Variants in DNAH7 observed in about 807,000 individuals in gnomAD.
DNAH7 encodes dynein axonemal heavy chain 7.
DNAH7 carries 397 observed loss-of-function variants against 444.6 expected under a neutral mutation model. That is an observed-to-expected ratio of 0.89 (90% CI 0.82 to 0.97). DNAH7 has a LOEUF of 0.97. Among genes scored for constraint, DNAH7 ranks in the 50% least tolerant of loss-of-function variants. The pLI, the probability that DNAH7 is intolerant of heterozygous loss-of-function variation, is 0.00. For synonymous variants in DNAH7, 1,636 were observed against 1,624.4 expected (o/e 1.01, Z -0.17); for missense variants, 4,902 against 4,800.8 (o/e 1.02, Z -0.62).
intron 15 of DNAH7, among the ~76,000 whole-genome samples, chr2:195,983,365 G>A (rs544377234): frequency 6.6e-6 from 1 of 152,216 alleles, no homozygotes; most frequent in South Asian, 2.1e-4. Flanking sequence ...TCTGCTAGCT[G>A]TACAAGAAGC....
rs181561310 is a variant in DNAH7 at position 195,824,412 on chromosome 2, G to T, written c.9134C>A (p.Pro3045His). The change falls in exon 49 of 65, where the codon CCT (proline) becomes CAT (histidine). Residue 3045 changes from proline (P) to histidine (H), a missense_variant. Physicochemically the swap from Pro to His is moderately conservative, Grantham distance 77. Transcript: ENST00000312428. ...LLENVGEELD[P>H]ILEPLLLKQT... ...TTTTAGTAGAAGAGGTTCCAAAATA[G>T]GATCTAGTTCTTCGCCAACATTTTC... 1.2e-6 allele frequency: 2 copies of T among 1,610,184 alleles called. No individual in the cohort carries two copies. The highest frequency in any genetic ancestry group is 1.3e-5 in the African/African-American group (1 of 74,800).
chr2:195,738,569 A>G (rs753680995), intron 64 of DNAH7, among the ~76,000 whole-genome samples: 1 of 152,208 alleles, frequency 6.6e-6, no homozygotes, highest in Non-Finnish European at 1.5e-5. Flanking sequence ...TTAGGAGACT[A>G]TTATAAAGGA....
intron 54 of DNAH7, among the ~76,000 whole-genome samples, chr2:195,800,992 G>T (rs1696421774): frequency 6.6e-6 from 1 of 152,086 alleles, no homozygotes; most frequent in African/African-American, 2.4e-5. Context: ...CAAAACAAAT[G>T]GAATGAATTG....
At chr2:195,865,516 G>C (rs1014414522) in intron 40 of DNAH7, among the ~76,000 whole-genome samples, 2 of 152,212 alleles carry the variant, frequency 1.3e-5, no homozygotes, top group African/African-American at 4.8e-5. Flanking sequence ...GTCTTGGGTA[G>C]AGGGAGAGTT....
At chr2:195,865,372 C>G (rs985366876) in intron 40 of DNAH7, among the ~76,000 whole-genome samples, 1 of 152,140 alleles carries the variant, frequency 6.6e-6, no homozygotes, top group African/African-American at 2.4e-5. Flanking sequence ...CACCAGTACC[C>G]AGGGGGTACC....
intron 5 of DNAH7, among the ~76,000 whole-genome samples, chr2:196,046,747 T>C (rs1196774135): frequency 6.6e-6 from 1 of 151,030 alleles, no homozygotes; most frequent in Non-Finnish European, 1.5e-5. Flanking sequence ...AACAGGGTCC[T>C]GTGAGTGAGT....
chr2:196,012,717 G>C (rs932438943), intron 10 of DNAH7, 70 bp downstream of exon 10: 1 of 1,513,990 alleles, frequency 6.6e-7, no homozygotes, highest in Non-Finnish European at 9.0e-7. Context: ...TCTAAAAGCA[G>C]TTAAAATGCA....
intron 47 of DNAH7, among the ~76,000 whole-genome samples, chr2:195,836,186 C>G (rs1402801255): frequency 6.6e-6 from 1 of 152,098 alleles, no homozygotes; most frequent in African/African-American, 2.4e-5. Context: ...AGGGCTCCCC[C>G]TTAAGACCTC....
intron 58 of DNAH7, among the ~76,000 whole-genome samples, chr2:195,781,054 C>T (rs1257944236): frequency 2.0e-5 from 3 of 147,286 alleles, no homozygotes; most frequent in Non-Finnish European, 4.5e-5. Context: ...TAGGAGAACA[C>T]GTGTCAGTGA....
rs748728395 is a variant in DNAH7, at chr2:195,900,352, G to T, written c.4478C>A (p.Ser1493Ter). 1 of 1,614,022 alleles carries T rather than the reference G, an allele frequency of 6.2e-7. No homozygotes were observed. The highest frequency in any genetic ancestry group is 2.2e-5 in the East Asian group (1 of 44,864). ...ATYRLCSEQL[S>*]SQHHYDYGMR... ...TCCATAGTCGTAGTGATGTTGAGAT[G>T]ACAGCTGCTCTGAACACAAGCGATA... The change falls in exon 28 of 65, where the codon TCA becomes TAA. Residue 1493 changes from serine to a stop codon, truncating the protein, a stop_gained. Transcript: ENST00000312428. LOFTEE classifies it high-confidence loss of function.
chr2:195,987,192 G>T lies in DNAH7; in HGVS notation c.1628C>A (p.Thr543Asn), dbSNP rs756299942. 1.1e-5 allele frequency: 17 copies of T among 1,563,322 alleles called. No individual in the cohort carries two copies. Among genetic ancestry groups the T allele is most frequent in the African/African-American group, 2.7e-5 (2 of 72,788 alleles). ...CATTTCAAACATTCCTAAACGAATA[G>T]TCTGCAAAAGATTAAAAGTTTAATC... ...IEEIQYTSIK[T>N]IRLGMFEMHC... is the part of the protein sequence containing the mutation. The change falls in exon 14 of 65, where the codon ACT (threonine) becomes AAT (asparagine). Residue 543 changes from threonine to asparagine, a missense_variant and splice_region_variant. Transcript: ENST00000312428.
intron 23 of DNAH7, 78 bp from the exon 24 acceptor site, chr2:195,922,275 T>A (rs894291478): frequency 3.6e-6 from 3 of 833,248 alleles, no homozygotes; most frequent in Non-Finnish European, 6.0e-6. Context: ...TAATAAGTAA[T>A]AACCATAATA....
intron 40 of DNAH7, among the ~76,000 whole-genome samples, chr2:195,869,513 A>C (rs951828235): frequency 2.0e-5 from 3 of 152,174 alleles, no homozygotes; most frequent in African/African-American, 7.2e-5. Context: ...AAATATTATG[A>C]AAAGAAGTAA....
chr2:195,757,406 C>T (rs937328098), intron 61 of DNAH7, among the ~76,000 whole-genome samples: 8 of 152,048 alleles, frequency 5.3e-5, no homozygotes, highest in African/African-American at 1.7e-4. Context: ...CTTTGAAGGC[C>T]CTGATAATTC....
chr2:195,790,122 G>T (rs541887916), intron 57 of DNAH7, among the ~76,000 whole-genome samples: 30 of 151,986 alleles, frequency 2.0e-4, no homozygotes, highest in African/African-American at 7.0e-4. Flanking sequence ...TTTAACTAAG[G>T]GCTGAAAAAT....
At chr2:196,066,403 T>A (rs139950862) in intron 1 of DNAH7, among the ~76,000 whole-genome samples, 1 of 152,334 alleles carries the variant, frequency 6.6e-6, no homozygotes, top group East Asian at 1.9e-4. Context: ...GAAAATGGAA[T>A]GAGCATCACA....
intron 46 of DNAH7, among the ~76,000 whole-genome samples, chr2:195,847,482 GGCCT>G (rs1178208125): frequency 6.6e-6 from 1 of 151,512 alleles, no homozygotes; most frequent in Non-Finnish European, 1.5e-5. Context: ...TAGACACTGG[GGCCT>G]ACTTGAGGGT....
At chr2:195,976,249 A>C (rs776578129) in intron 15 of DNAH7, among the ~76,000 whole-genome samples, 6 of 152,158 alleles carry the variant, frequency 3.9e-5, no homozygotes, top group Non-Finnish European at 5.9e-5. Context: ...ACCTGACTGA[A>C]GAGCCCTTGG....
chr2:195,768,006 C>T (rs1478929885), intron 61 of DNAH7, among the ~76,000 whole-genome samples: 1 of 151,482 alleles, frequency 6.6e-6, no homozygotes, highest in African/African-American at 2.4e-5. Flanking sequence ...AAAAATATTA[C>T]ATTTAGGTTT....
Sources: allele counts gnomAD v4.1 joint callset (sites outside exome capture counted in the v4.1 genomes callset), GRCh38; gene constraint gnomAD v4.1.1; transcripts MANE v1.5; gene names NCBI Gene and HGNC (gene_info 2026-07-23, HGNC 2026-07-21).